MCM3AP: variants seen among roughly 807,000 people sequenced by gnomAD.
MCM3AP encodes germinal-center associated nuclear protein.
A neutral mutation model predicts 184.1 loss-of-function variants in MCM3AP; 126 were observed. That is an observed-to-expected ratio of 0.68 (90% CI 0.59 to 0.79). The LOEUF is 0.79. Ranked by LOEUF, MCM3AP falls within the 30% of genes least tolerant of loss-of-function variation. MCM3AP has a pLI of 0.00. For missense variants in MCM3AP, 2,496 were observed against 2,479.2 expected (o/e 1.01, Z -0.14); for synonymous variants, 1,002 against 979.3 (o/e 1.02, Z -0.43).
At chr21:46,264,278 A>T (rs2081079300) in intron 12 of MCM3AP, 61 bp from the exon 13 acceptor site, 1 of 1,075,334 alleles carries the variant, frequency 9.3e-7, no homozygotes, top group African/African-American at 1.6e-5. Flanking sequence ...AATGCTGGGT[A>T]ACATGTTGTC....
chr21:46,273,417 C>A lies in MCM3AP; in HGVS notation c.2167G>T (p.Val723Leu), dbSNP rs777109156. 1.9e-6 allele frequency: 3 copies of A among 1,614,008 alleles called. No individual in the cohort carries two copies. The highest frequency in any genetic ancestry group is 2.5e-6 in the Non-Finnish European group (3 of 1,179,876). ...EGSLRDWYDF[V>L]WNRTRGIRKD... is the part of the protein sequence containing the mutation. ...CGTATGCCACGCGTGCGGTTCCACACGAAGTCATACCAATCCCGCAGGCTG... is the reference window on the plus strand; with the variant it reads ...CGTATGCCACGCGTGCGGTTCCACAAGAAGTCATACCAATCCCGCAGGCTG... The change falls in exon 7 of 28, where the codon GTG becomes TTG. Residue 723 changes from valine to leucine, a missense_variant. Coordinates refer to ENST00000291688, the MANE Select transcript of MCM3AP (RefSeq NM_003906.5).
chr21:46,274,593 C>T (rs955542080), intron 6 of MCM3AP, among the ~76,000 whole-genome samples: 1 of 151,880 alleles, frequency 6.6e-6, no homozygotes, highest in Non-Finnish European at 1.5e-5. Context: ...AGCATAATCT[C>T]GAATGTGTAA....
chr21:46,251,342 C>T (rs1275533292), intron 20 of MCM3AP, 187 bp downstream of exon 20: 4 of 432,840 alleles, frequency 9.2e-6, no homozygotes, highest in Non-Finnish European at 1.6e-5. Context: ...GCCCACTACT[C>T]AATTTGACTG....
At chr21:46,281,460 TATGTC>T (rs1430685137) in intron 2 of MCM3AP, among the ~76,000 whole-genome samples, 1 of 152,224 alleles carries the variant, frequency 6.6e-6, no homozygotes, top group Non-Finnish European at 1.5e-5. Flanking sequence ...ACATATTAGT[TATGTC>T]ATAAAATATT....
In MCM3AP at chr21:46,284,291, G is replaced by T; in HGVS notation, c.996C>A (p.Pro332=). ...TCCGACCAAATAAAGTACCTCCCCG[G>T]GGTCGATTCAGGCGGACAGGTCGTT... ...PDKRPVRLNR[P]RGGTLFGRTI... The change falls in exon 1 of 28, where the codon CCC becomes CCA. Residue 332 remains proline (P), a synonymous_variant. Coordinates refer to ENST00000291688, the MANE Select transcript of MCM3AP (RefSeq NM_003906.5). The T allele has an allele frequency of 6.2e-7, 1 of 1,614,212 alleles. No homozygotes were observed. The highest frequency in any genetic ancestry group is 2.2e-5 in the East Asian group (1 of 44,888).
chr21:46,248,207 G>A (rs1235130731), intron 20 of MCM3AP, among the ~76,000 whole-genome samples: 3 of 152,032 alleles, frequency 2.0e-5, no homozygotes, highest in Admixed American at 6.6e-5. Context: ...CCCTATTGGC[G>A]GCACCCACCA....
At position 46,277,678 on chromosome 21, in the gene MCM3AP, T is replaced by C. The variant is rs372474971; in HGVS notation, c.1707A>G (p.Gln569=). 3 of 1,603,788 alleles carry C rather than the reference T, an allele frequency of 1.9e-6. No homozygotes were observed. Among genetic ancestry groups the C allele is most frequent in the Non-Finnish European group, 2.6e-6 (3 of 1,175,098 alleles). The change falls in exon 5 of 28, where the codon CAA becomes CAG. Residue 569 remains glutamine (Q), a synonymous_variant. Coordinates refer to ENST00000291688, the MANE Select transcript of MCM3AP (RefSeq NM_003906.5). ...CTGAGTCAAAAGAGTCTCCCTCGAA[T>C]TGGTGGGCCTTTAGAAGACTTGGCT... ...VKKPSLLKAH[Q]FEGDSFDSAS... is the part of the protein sequence containing the mutation.
intron 19 of MCM3AP, 89 bp downstream of exon 19, chr21:46,254,303 C>T (rs2080914219): frequency 7.0e-7 from 1 of 1,426,162 alleles, no homozygotes; most frequent in African/African-American, 1.4e-5. Context: ...GTTCCCATCA[C>T]ACATAAGAGG....
In MCM3AP at chr21:46,245,299, C is replaced by T. The variant is rs1045590573; in HGVS notation, c.4648-102G>A. On this transcript the variant is annotated intron_variant, in intron 22 of 27. Transcript: ENST00000291688. ...CCAAGGTTGCCCACAGCAGGTAATA[C>T]CAGAGTACTGGGCTCTCAACTGTGG... The T allele has an allele frequency of 5.0e-5, 52 of 1,048,306 alleles. 1 individual carries two copies. The highest frequency in any genetic ancestry group is 5.2e-4 in the Middle Eastern group (2 of 3,824). The allele number at this position is 1,048,306 out of a possible 1,614,324, so 64.9% of individuals were successfully genotyped here.
Position 46,272,910 on chromosome 21 carries a change from A to G in MCM3AP, c.2197-81T>C. ...GTGAGAAGGATCATGCTACGACCTC[A>G]ATTTCTCACTTTTCAATTTGAAACA... On this transcript the variant is annotated intron_variant, in intron 7 of 27. Coordinates refer to ENST00000291688, the MANE Select transcript of MCM3AP (RefSeq NM_003906.5). 3 of 1,330,536 alleles carry G rather than the reference A, an allele frequency of 2.3e-6. No homozygotes were observed. The South Asian group carries it at 4.4e-5, about 20-fold the overall frequency. The allele number at this position is 1,330,536 out of a possible 1,614,324, so 82.4% of individuals were successfully genotyped here. A position where few individuals can be genotyped will look rare whatever the true frequency, so the allele number is the denominator to read the frequency against.
At chr21:46,266,202 C>G in intron 10 of MCM3AP, 36 bp from the exon 11 acceptor site, 5 of 1,566,672 alleles carry the variant, frequency 3.2e-6, no homozygotes, top group Non-Finnish European at 4.3e-6. Flanking sequence ...AGGGGTGTCA[C>G]CAGGGGAGAA....
At chr21:46,264,916 C>T (rs1281353903) in intron 12 of MCM3AP, among the ~76,000 whole-genome samples, 1 of 151,782 alleles carries the variant, frequency 6.6e-6, no homozygotes, top group Non-Finnish European at 1.5e-5. Context: ...CACACTCAGT[C>T]CATGCATATT....
chr21:46,264,095 G>A (rs750144742), intron 13 of MCM3AP, 22 bp downstream of exon 13: 58 of 1,571,086 alleles, frequency 3.7e-5, no homozygotes, highest in Non-Finnish European at 5.0e-5. Context: ...GTAGCAGGAG[G>A]GGAGCACGAG....
At position 46,254,771 on chromosome 21, in the gene MCM3AP, C is replaced by T. The variant is rs1437927773; in HGVS notation, c.4001+5G>A. On this transcript the variant is annotated splice_donor_5th_base_variant and intron_variant, in intron 18 of 27. Coordinates refer to ENST00000291688, the MANE Select transcript of MCM3AP (RefSeq NM_003906.5). Reference sequence around the variant, plus strand: ...GGGTGCGCAGAAGGGTGCAGCATGACAGACCTCAGCAGCTGCTGGTAGAAG... The same window carrying T: ...GGGTGCGCAGAAGGGTGCAGCATGATAGACCTCAGCAGCTGCTGGTAGAAG... The T allele has an allele frequency of 1.2e-6, 2 of 1,613,132 alleles. No homozygotes were observed. The highest frequency in any genetic ancestry group is 4.5e-5 in the East Asian group (2 of 44,890).
At chr21:46,256,717 T>A in intron 17 of MCM3AP, 72 bp downstream of exon 17, 1 of 1,504,144 alleles carries the variant, frequency 6.6e-7, no homozygotes, top group Non-Finnish European at 8.9e-7. Context: ...AACACACACA[T>A]TAATTCCGCT....
chr21:46,277,052 G>A (rs532264158), intron 5 of MCM3AP, among the ~76,000 whole-genome samples: 2 of 152,184 alleles, frequency 1.3e-5, no homozygotes, highest in African/African-American at 4.8e-5. Context: ...TGCCCAGCCC[G>A]GCTGAAATTT....
In MCM3AP at chr21:46,275,258, A is replaced by C; in HGVS notation, c.1926T>G (p.Pro642=). The change falls in exon 6 of 28, where the codon CCT becomes CCG. Residue 642 remains proline (P), a synonymous_variant. Transcript: ENST00000291688. ...TCTCCCGCATGTACCTCTCCTTCTC[A>C]GGACACATATCCAGGCAGGTGCCAA... The part of the protein sequence containing the change: ...TFVGTCLDMC[P]EKERYMRETR... 1.9e-6 allele frequency: 3 copies of C among 1,614,160 alleles called. No individual in the cohort carries two copies. The highest frequency in any genetic ancestry group is 2.5e-6 in the Non-Finnish European group (3 of 1,180,020).
At chr21:46,274,833 G>A (rs555518787) in intron 6 of MCM3AP, among the ~76,000 whole-genome samples, 2 of 151,432 alleles carry the variant, frequency 1.3e-5, no homozygotes, top group East Asian at 3.9e-4. Flanking sequence ...TACTCTGTAA[G>A]CTGAGTGAGA....
At chr21:46,248,927 C>G (rs946110866) in intron 20 of MCM3AP, among the ~76,000 whole-genome samples, 3 of 151,836 alleles carry the variant, frequency 2.0e-5, no homozygotes, top group African/African-American at 7.3e-5. Flanking sequence ...AATAGAAGTT[C>G]AAGAGAGAAC....
Sources: allele counts gnomAD v4.1 joint callset (sites outside exome capture counted in the v4.1 genomes callset), GRCh38; gene constraint gnomAD v4.1.1; transcripts MANE v1.5; gene names NCBI Gene and HGNC (gene_info 2026-07-23, HGNC 2026-07-21).